The following ZBTB41 variants were observed in gnomAD, a reference collection of about 807,000 sequenced individuals.
ZBTB41 encodes zinc finger and BTB domain-containing protein 41.
A neutral mutation model predicts 87.6 loss-of-function variants in ZBTB41; 42 were observed. The observed-to-expected ratio is 0.48, with a 90% CI of 0.37 to 0.62. ZBTB41 has a LOEUF of 0.62. ZBTB41 is among the 20% of genes least tolerant of loss of function. The probability of loss-of-function intolerance (pLI) is 0.00; values close to 1 mark genes in which losing one functional copy is unlikely to be tolerated. For synonymous variants in ZBTB41, 364 were observed against 364.0 expected, an observed-to-expected ratio of 1.00 and a Z score of 0.00; for missense variants, 799 against 1,078.9, an observed-to-expected ratio of 0.74 and a Z score of 3.63.
At chr1:197,193,177 C>A (rs114238024) in intron 2 of ZBTB41, among the ~76,000 whole-genome samples, 2,098 of 152,152 alleles carry the variant, frequency 0.014, 45 homozygotes, top group African/African-American at 0.048. Flanking sequence ...TCTTTACTTG[C>A]GTTAGTAACA....
At chr1:197,178,589 A>G in intron 6 of ZBTB41, 77 bp from the exon 7 acceptor site, 2 of 1,009,536 alleles carry the variant, frequency 2.0e-6, no homozygotes, top group South Asian at 3.8e-5. Flanking sequence ...ACTTACTAGA[A>G]AGGTATTCAA....
chr1:197,189,429 GGC>G lies in ZBTB41; in HGVS notation c.1399-992_1399-991del, dbSNP rs546903866. On this transcript the variant is annotated intron_variant, in intron 4 of 10. Coordinates refer to ENST00000367405, the MANE Select transcript of ZBTB41 (RefSeq NM_194314.3). ...TAGTCCCAGCTACTCGGGAGGCTGA[GGC>G]ACAAGAATCACTTGAACCCAGGAGG... is the stretch of plus-strand genomic sequence containing the variant. Among the ~76,000 whole-genome samples, 291 of 152,024 alleles carry G rather than the reference GGC, an allele frequency of 1.9e-3. 1 individual carries two copies. Among genetic ancestry groups the G allele is most frequent in the African/African-American group, 6.8e-3 (281 of 41,476 alleles).
At chr1:197,200,919 G>C (rs1034785636) in intron 1 of ZBTB41, among the ~76,000 whole-genome samples, 1 of 152,180 alleles carries the variant, frequency 6.6e-6, no homozygotes, top group Non-Finnish European at 1.5e-5. Context: ...TGGTTTAGGG[G>C]TGCTGGGATG....
chr1:197,183,393 G>C lies in ZBTB41; in HGVS notation c.1547-2276C>G, dbSNP rs189273477. On this transcript the variant is annotated intron_variant, in intron 5 of 10. Transcript: ENST00000367405. The stretch of plus-strand genomic sequence containing the variant: ...GAGGCTGTTCCAGATCACCTAGTAA[G>C]TGGCTAAGTCAGACTCAGAAAACAA... Among the ~76,000 whole-genome samples the C allele has an allele frequency of 3.9e-5, 6 of 152,250 alleles. No individual in the cohort carries two copies. In the East Asian group the frequency reaches 1.2e-3, roughly 29 times the overall value.
At position 197,191,916 on chromosome 1, in the gene ZBTB41, A is replaced by G; in HGVS notation, c.1121-17T>C. 6.5e-7 allele frequency: 1 copy of G among 1,539,884 alleles called. No homozygotes were observed. The highest frequency in any genetic ancestry group is 8.7e-7 in the Non-Finnish European group (1 of 1,144,132). On this transcript the variant is annotated splice_polypyrimidine_tract_variant and intron_variant, in intron 2 of 10. Coordinates refer to ENST00000367405, the MANE Select transcript of ZBTB41 (RefSeq NM_194314.3). ...CATATTTTCCTATAAAAAAAGAAAAATTAAAATTAAATTTAGTACATTTGC... is the reference window on the plus strand; with the variant it reads ...CATATTTTCCTATAAAAAAAGAAAAGTTAAAATTAAATTTAGTACATTTGC...
rs372332223 is a variant in ZBTB41 at position 197,190,133 on chromosome 1, T to C, written c.1398+629A>G. On this transcript the variant is annotated intron_variant, in intron 4 of 10. Transcript: ENST00000367405. ...ATGGGGTTTTGCCATGTTGGCCAGA[T>C]TGGTCTCGAACTCCTGACCTCAGGT... Among the ~76,000 whole-genome samples the C allele has an allele frequency of 3.0e-4, 46 of 152,182 alleles. No individual in the cohort carries two copies. In the East Asian group the frequency reaches 7.7e-3, roughly 26 times the overall value.
Position 197,155,311 on chromosome 1 carries a change from T to C in ZBTB41, c.*4048A>G, listed in dbSNP as rs1373379335. The stretch of plus-strand genomic sequence containing the variant: ...TTGCCTATATAAACATAAAGCAACC[T>C]AAAAAAAAAAAGTTGCCCAACCAGC... On this transcript the variant is annotated 3_prime_UTR_variant, in exon 11 of 11. Coordinates refer to ENST00000367405, the MANE Select transcript of ZBTB41 (RefSeq NM_194314.3). 7.2e-6 allele frequency: 1 copy of C among 138,174 alleles called. No individual in the cohort carries two copies. Among genetic ancestry groups the C allele is most frequent in the African/African-American group, 2.7e-5 (1 of 37,504 alleles). 8.6% of individuals were successfully genotyped at this position (138,174 alleles called of 1,614,324 possible).
chr1:197,175,611 A>G (rs1037667350), intron 8 of ZBTB41, among the ~76,000 whole-genome samples: 1 of 151,214 alleles, frequency 6.6e-6, no homozygotes, highest in African/African-American at 2.4e-5. Flanking sequence ...CAAAATACAA[A>G]TATAATGAAA....
chr1:197,171,306 C>T (rs1003025828), intron 10 of ZBTB41, among the ~76,000 whole-genome samples: 2 of 152,048 alleles, frequency 1.3e-5, no homozygotes, highest in Non-Finnish European at 2.9e-5. Flanking sequence ...TTGCTTTTAA[C>T]AGCAGCACTG....
Position 197,200,434 on chromosome 1 carries a change from T to G in ZBTB41, c.40A>C (p.Ile14Leu). ...GAATCTTTATGATAGCCTAGATGGA[T>G]CTTCTCAAGATTTGAAGTAACCTTT... ...RRKVTSNLEK[I>L]HLGYHKDSSE... Residue 14 changes from isoleucine (I) to leucine (L), a missense_variant, in exon 2 of 11, where the codon ATC becomes CTC. By Grantham distance (5) the Ile-to-Leu change is conservative. Coordinates refer to ENST00000367405, the MANE Select transcript of ZBTB41 (RefSeq NM_194314.3). The G allele has an allele frequency of 1.2e-6, 2 of 1,604,232 alleles. 1 individual carries two copies. Among genetic ancestry groups the G allele is most frequent in the South Asian group, 2.3e-5 (2 of 88,390 alleles).
intron 5 of ZBTB41, among the ~76,000 whole-genome samples, chr1:197,184,142 A>T (rs1231259984): frequency 2.0e-5 from 3 of 152,200 alleles, no homozygotes. Context: ...TCTGGAACTA[A>T]ACTCTAAAGA....
At position 197,199,542 on chromosome 1, in the gene ZBTB41, T is replaced by C. The variant is rs760115867; in HGVS notation, c.932A>G (p.Glu311Gly). The change falls in exon 2 of 11, where the codon GAG (glutamate) becomes GGG (glycine). Residue 311 changes from glutamate (E) to glycine (G), a missense_variant. Glu to Gly is a moderately conservative substitution (Grantham distance 98). Transcript: ENST00000367405. The part of the protein sequence containing the change: ...EYNAEEDELE[E>G]EMSDEYSDIE... The stretch of plus-strand genomic sequence containing the variant: ...GTCAGAGTACTCATCTGACATCTCC[T>C]CCTCTAGCTCATCTTCTTCAGCATT... The C allele has an allele frequency of 3.1e-6, 5 of 1,608,566 alleles. No homozygotes were observed. The East Asian group carries it at 8.9e-5, about 29-fold the overall frequency.
rs150973471 is a variant in ZBTB41, at chr1:197,180,152, C to T, written c.1676+836G>A. Among the ~76,000 whole-genome samples, 463 of 152,106 alleles carry T rather than the reference C, an allele frequency of 3.0e-3. 2 individuals carry two copies. The highest frequency in any genetic ancestry group is 6.8e-3 in the Middle Eastern group (2 of 294). On this transcript the variant is annotated intron_variant, in intron 6 of 10. Transcript: ENST00000367405. ...TTATACCATTTTTACAGTTCTTTTT[C>T]CATGCTTAAGTATGTTTAAATATAT...
rs894097631 is a variant in ZBTB41, at chr1:197,199,782, C to T, written c.692G>A (p.Arg231Lys). ...SLENHLAKTH[R>K]SLLLGKKHGL... ...ATGTTTTTTCCCTAATAAAAGGGAC[C>T]TATGGGTTTTAGCCAAATGATTCTC... Residue 231 changes from arginine (R) to lysine (K), a missense_variant, in exon 2 of 11, where the codon AGG (arginine) becomes AAG (lysine). Transcript: ENST00000367405. 3.7e-6 allele frequency: 6 copies of T among 1,613,040 alleles called. No individual in the cohort carries two copies. In the African/African-American group the frequency reaches 8.0e-5, roughly 22 times the overall value.
chr1:197,165,563 T>C (rs1260956957), intron 10 of ZBTB41, among the ~76,000 whole-genome samples: 4 of 151,328 alleles, frequency 2.6e-5, no homozygotes, highest in Non-Finnish European at 5.9e-5. Context: ...TGAGCCGAGA[T>C]TGCACCACGG....
At chr1:197,160,281 C>T (rs1659168524) in intron 10 of ZBTB41, among the ~76,000 whole-genome samples, 1 of 152,124 alleles carries the variant, frequency 6.6e-6, no homozygotes, top group Non-Finnish European at 1.5e-5. Flanking sequence ...CTAATTTTCT[C>T]ATCTGTAATA....
intron 8 of ZBTB41, 40 bp from the exon 9 acceptor site, chr1:197,175,155 T>C: frequency 6.5e-7 from 1 of 1,539,314 alleles, no homozygotes; most frequent in Non-Finnish European, 8.9e-7. Flanking sequence ...ATAATATACA[T>C]CTCAGGTTTT....
intron 5 of ZBTB41, among the ~76,000 whole-genome samples, chr1:197,185,133 A>C (rs1179019515): frequency 6.6e-6 from 1 of 152,080 alleles, no homozygotes; most frequent in African/African-American, 2.4e-5. Flanking sequence ...ATTTATTCTT[A>C]ATTAATTTTA....
intron 10 of ZBTB41, among the ~76,000 whole-genome samples, chr1:197,171,610 C>T (rs1211075116): frequency 1.3e-5 from 2 of 151,714 alleles, no homozygotes; most frequent in African/African-American, 4.8e-5. Context: ...ACATTCCCAA[C>T]GGAGAAAAAA....
Sources: allele counts gnomAD v4.1 joint callset (sites outside exome capture counted in the v4.1 genomes callset), GRCh38; gene constraint gnomAD v4.1.1; transcripts MANE v1.5; gene names NCBI Gene and HGNC (gene_info 2026-07-23, HGNC 2026-07-21).